The following SCN1A variants were observed in gnomAD, a reference collection of about 807,000 sequenced individuals.
SCN1A encodes the protein sodium channel protein type 1 subunit alpha.
SCN1A carries 13 observed loss-of-function variants against 193.7 expected under a neutral mutation model. The ratio of observed to expected loss-of-function variants is 0.07; its 90% CI spans 0.04 to 0.11. SCN1A has a LOEUF of 0.11. SCN1A is among the 10% of genes least tolerant of loss of function. SCN1A has a pLI of 1.00. For missense variants in SCN1A, 1,432 were observed against 2,451.1 expected (o/e 0.58, Z 8.78); for synonymous variants, 781 against 843.6 (o/e 0.93, Z 1.29).
chr2:165,994,526 G>T lies in SCN1A; in HGVS notation c.4582-110C>A, dbSNP rs75721122. On this transcript the variant is annotated intron_variant, in intron 27 of 28. Transcript: ENST00000674923. ...TCTAGTTTCTTGCAAAGTAGTCATT[G>T]GCCCTGATTTTTGTAAGAATGATTT... The T allele has an allele frequency of 4.9e-4, 466 of 960,304 alleles. 2 individuals carry two copies. In the African/African-American group the frequency reaches 6.7e-3, roughly 14 times the overall value. 59.5% of individuals were successfully genotyped at this position (960,304 alleles called of 1,614,324 possible).
chr2:166,136,707 G>A (rs955312351), intron 1 of SCN1A, among the ~76,000 whole-genome samples: 23 of 152,164 alleles, frequency 1.5e-4, no homozygotes, highest in African/African-American at 5.5e-4. Context: ...TGACCAAGTG[G>A]GTTAAGATGG....
chr2:166,092,218 T>A (rs376825640), intron 2 of SCN1A, among the ~76,000 whole-genome samples: 1 of 152,086 alleles, frequency 6.6e-6, no homozygotes, highest in South Asian at 2.1e-4. Flanking sequence ...CATGTGGAGA[T>A]CTTTTTGAAA....
intron 23 of SCN1A, 118 bp downstream of exon 23, chr2:166,009,601 G>C: frequency 1.1e-6 from 1 of 871,730 alleles, no homozygotes; most frequent in Admixed American, 2.8e-5. Context: ...AAACAATAAA[G>C]TAGCAATTTT....
intron 2 of SCN1A, among the ~76,000 whole-genome samples, chr2:166,086,092 A>G (rs570272122): frequency 6.6e-6 from 1 of 152,176 alleles, no homozygotes; most frequent in African/African-American, 2.4e-5. Context: ...CTCCTGGCCA[A>G]AAGGATCCCA....
In SCN1A at chr2:166,036,163, A is replaced by G; in HGVS notation, c.3314T>C (p.Phe1105Ser). ...YIIDESDYMS[F>S]INNPSLTVTV... ...CACAGTAAGACTGGGGTTGTTTATG[A>G]ATGACATGTAATCACTTTCATCAAT... The change falls in exon 19 of 29, where the codon TTC becomes TCC. Residue 1105 changes from phenylalanine (F) to serine (S), a missense_variant. By Grantham distance (155) the Phe-to-Ser change is radical. This residue lies in a region of SCN1A where 198 missense variants were observed against 225.8 expected (regional missense o/e 0.88). Coordinates refer to ENST00000674923, the MANE Select transcript of SCN1A (RefSeq NM_001165963.4). 6.2e-7 allele frequency: 1 copy of G among 1,614,036 alleles called. No individual in the cohort carries two copies. The highest frequency in any genetic ancestry group is 2.2e-5 in the East Asian group (1 of 44,842).
intron 15 of SCN1A, among the ~76,000 whole-genome samples, chr2:166,041,872 A>G (rs1574206649): frequency 1.3e-5 from 2 of 152,314 alleles, no homozygotes; most frequent in South Asian, 2.1e-4. Flanking sequence ...ATGTGACCCA[A>G]GAATCATCTT....
chr2:166,026,763 A>G (rs1333017124), intron 19 of SCN1A, among the ~76,000 whole-genome samples: 3 of 142,724 alleles, frequency 2.1e-5, no homozygotes, highest in Non-Finnish European at 4.5e-5. Flanking sequence ...GGCTCACTGC[A>G]AGCTCCGCCT....
chr2:166,051,618 T>A, intron 9 of SCN1A, 101 bp downstream of exon 9: 1 of 889,736 alleles, frequency 1.1e-6, no homozygotes, highest in Non-Finnish European at 1.7e-6. Context: ...GCTAATCACA[T>A]CATGTAAAAT....
chr2:166,086,275 C>T (rs1356488294), intron 2 of SCN1A, among the ~76,000 whole-genome samples: 1 of 152,152 alleles, frequency 6.6e-6, no homozygotes, highest in East Asian at 1.9e-4. Context: ...TGACACTTTC[C>T]CTCCATTGGT....
At chr2:166,144,257 G>A (rs557978906) in intron 1 of SCN1A, among the ~76,000 whole-genome samples, 50 of 152,144 alleles carry the variant, frequency 3.3e-4, no homozygotes, top group Non-Finnish European at 6.3e-4. Context: ...GCACTGGAGG[G>A]TGCCAGTGAA....
rs994399 is a variant in SCN1A, at chr2:166,048,970, G to A, written c.965-21C>T. 1,040,739 of 1,507,836 alleles carry A rather than the reference G, an allele frequency of 0.69. 361,837 individuals are homozygous for A. Among genetic ancestry groups the A allele is most frequent in the East Asian group, 0.89 (39,435 of 44,082 alleles). 93.4% of individuals were successfully genotyped at this position (1,507,836 alleles called of 1,614,324 possible). On this transcript the variant is annotated intron_variant, in intron 9 of 28. Transcript: ENST00000674923. Reference sequence around the variant, plus strand: ...ATATCCTGTTTGAAAAAAGAAAGTCGTATGATGAACATTTGCATTGTTAAA... The same window carrying A: ...ATATCCTGTTTGAAAAAAGAAAGTCATATGATGAACATTTGCATTGTTAAA...
intron 26 of SCN1A, 26 bp from the exon 27 acceptor site, chr2:165,996,143 T>G: frequency 7.2e-7 from 1 of 1,394,390 alleles, no homozygotes; most frequent in Non-Finnish European, 1.0e-6. Context: ...ATCAAACTGG[T>G]TAAAACTGTG....
intron 2 of SCN1A, chr2:166,109,443 T>C (rs1392273352): frequency 6.6e-6 from 1 of 152,282 alleles, no homozygotes. Context: ...AAGAAGTATA[T>C]ACATACATAC....
chr2:166,090,029 CTTTTTTTTTTTTTT>C (rs545740675), intron 2 of SCN1A, among the ~76,000 whole-genome samples: 9 of 71,384 alleles, frequency 1.3e-4, no homozygotes, highest in South Asian at 1.1e-3. Context: ...TCCTTCTTTC[CTTTTTTTTTTTTTT>C]TTTTTTTTTT....
At chr2:166,145,649 TG>T (rs1223069444) in intron 1 of SCN1A, among the ~76,000 whole-genome samples, 1 of 152,068 alleles carries the variant, frequency 6.6e-6, no homozygotes, top group East Asian at 1.9e-4. Flanking sequence ...TAAAAATTCA[TG>T]GGAAGGTATA....
intron 19 of SCN1A, chr2:166,015,983 A>G: frequency 2.3e-6 from 1 of 436,150 alleles, no homozygotes; most frequent in Non-Finnish European, 4.2e-6. Context: ...AGCCACATGT[A>G]CTGAGCAAAA....
At chr2:166,088,963 T>C (rs78205889) in intron 2 of SCN1A, among the ~76,000 whole-genome samples, 3,523 of 152,306 alleles carry the variant, frequency 0.023, 66 homozygotes, top group South Asian at 0.074. Context: ...TGCCACACAG[T>C]TAAATTTGAA....
At chr2:166,091,509 A>G (rs1268481911) in intron 2 of SCN1A, among the ~76,000 whole-genome samples, 1 of 152,166 alleles carries the variant, frequency 6.6e-6, no homozygotes, top group African/African-American at 2.4e-5. Context: ...TTGAGTTTAG[A>G]AATAGGGATA....
At chr2:166,113,943 T>A (rs138999733) in intron 2 of SCN1A, among the ~76,000 whole-genome samples, 1 of 152,338 alleles carries the variant, frequency 6.6e-6, no homozygotes, top group Admixed American at 6.5e-5. Context: ...GTTTGAGATA[T>A]AATGTGATCC....
Sources: gnomAD v4.1 joint callset for allele counts (sites outside exome capture counted in the v4.1 genomes callset) on GRCh38, gnomAD v4.1.1 for gene constraint, gnomAD v4.1.1 regional missense constraint, MANE v1.5 for transcripts, NCBI Gene and HGNC (gene_info 2026-07-23, HGNC 2026-07-21) for gene names.